Variants in BCAR1 observed in about 807,000 individuals in gnomAD.
The protein encoded by BCAR1 is BCAR1 scaffold protein, Cas family member, also known as breast cancer anti-estrogen resistance protein 1.
BCAR1 carries 30 observed loss-of-function variants against 67.6 expected under a neutral mutation model. The ratio of observed to expected loss-of-function variants is 0.44; its 90% CI spans 0.33 to 0.60. The LOEUF is 0.60. Among genes scored for constraint, BCAR1 ranks in the 20% least tolerant of loss-of-function variants. The probability of loss-of-function intolerance (pLI) is 0.02; values close to 1 mark genes in which losing one functional copy is unlikely to be tolerated. For missense variants in BCAR1, 1,313 were observed against 1,222.3 expected (o/e 1.07, Z -1.11); for synonymous variants, 626 against 556.7 (o/e 1.12, Z -1.75).
intron 4 of BCAR1, 29 bp from the exon 5 acceptor site, chr16:75,236,015 C>A (rs2077118949): frequency 4.5e-6 from 7 of 1,539,642 alleles, no homozygotes; most frequent in Non-Finnish European, 6.1e-6. Flanking sequence ...TCAAGACTGT[C>A]CATCTGTCCA....
chr16:75,248,067 G>T (rs764187548), intron 1 of BCAR1: 1 of 1,566,688 alleles, frequency 6.4e-7, no homozygotes, highest in South Asian at 1.1e-5. Flanking sequence ...CATCTTACTA[G>T]ACAGGAAAAC....
intron 1 of BCAR1, chr16:75,264,698 C>G: frequency 1.6e-6 from 2 of 1,219,284 alleles, no homozygotes; most frequent in Non-Finnish European, 2.1e-6. Context: ...CTCTGGTCAT[C>G]TGCACTCACT....
chr16:75,237,029 G>A (rs777705117), intron 3 of BCAR1, 31 bp from the exon 4 acceptor site: 10 of 1,553,542 alleles, frequency 6.4e-6, no homozygotes, highest in East Asian at 4.6e-5. Context: ...GGTTAACGGC[G>A]CCAGGGCCAC....
chr16:75,234,080 C>T (rs548991863), intron 5 of BCAR1, 145 bp from the exon 6 acceptor site: 3 of 697,082 alleles, frequency 4.3e-6, no homozygotes, highest in South Asian at 3.4e-5. Flanking sequence ...GACGCACACA[C>T]ACACTAGCAC....
At position 75,251,332 on chromosome 16, in the gene BCAR1, G is replaced by A. The variant is rs528568846; in HGVS notation, c.12+139C>T. On this transcript the variant is annotated intron_variant, in intron 1 of 6. Transcript: ENST00000162330. ...TCCCGGCTTCCCGGCCAGGGCAGAA[G>A]GAGATCCCAGGGCCGCGGACCCCGG... 2.7e-4 allele frequency: 326 copies of A among 1,207,648 alleles called. 5 individuals are homozygous for A. In the African/African-American group the frequency reaches 3.4e-3, roughly 13 times the overall value. The allele number at this position is 1,207,648 out of a possible 1,614,324, so 74.8% of individuals were successfully genotyped here.
In BCAR1 at chr16:75,251,476, G is replaced by A; in HGVS notation, c.7C>T (p.His3Tyr). 1.4e-6 allele frequency: 2 copies of A among 1,423,160 alleles called. No individual in the cohort carries two copies. The highest frequency in any genetic ancestry group is 2.8e-5 in the South Asian group (2 of 70,296). The allele number at this position is 1,423,160 out of a possible 1,614,324, so 88.2% of individuals were successfully genotyped here. A position where few individuals can be genotyped will look rare whatever the true frequency, so the allele number is the denominator to read the frequency against. Residue 3 changes from histidine to tyrosine, a missense_variant, in exon 1 of 7, where the codon CAC (histidine) becomes TAC (tyrosine). Coordinates refer to ENST00000162330, the MANE Select transcript of BCAR1 (RefSeq NM_014567.5). MN[H>Y]LNVLAKALYD... ...GCCCCACCTGGCGCCCTCACCAGGT[G>A]GTTCATGGTGTCCGGCGGGCCTGGG...
intron 1 of BCAR1, chr16:75,247,770 A>C (rs2077562675): frequency 4.3e-6 from 2 of 469,070 alleles, no homozygotes; most frequent in Admixed American, 6.8e-5. Context: ...CCTCTCTGCC[A>C]GGCCTGGCTC....
At position 75,237,356 on chromosome 16, in the gene BCAR1, G is replaced by C. The variant is rs746424882; in HGVS notation, c.634-12C>G. ...GTGGGCACCACCACCTGGGGGCAGA[G>C]AGCCGACTTCACTGCTGCCCTCAAA... is the stretch of plus-strand genomic sequence containing the variant. On this transcript the variant is annotated splice_polypyrimidine_tract_variant and intron_variant, in intron 2 of 6. Coordinates refer to ENST00000162330, the MANE Select transcript of BCAR1 (RefSeq NM_014567.5). The C allele has an allele frequency of 5.5e-6, 8 of 1,459,262 alleles. No individual in the cohort carries two copies. The highest frequency in any genetic ancestry group is 2.9e-5 in the South Asian group (2 of 68,384). The allele number at this position is 1,459,262 out of a possible 1,614,324, so 90.4% of individuals were successfully genotyped here.
chr16:75,238,052 G>T (rs1291570320), intron 2 of BCAR1: 2 of 1,288,928 alleles, frequency 1.6e-6, no homozygotes, highest in African/African-American at 3.0e-5. Context: ...TGGGGGAAGT[G>T]GGTCCAGGGC....
rs2076793091 is a variant in BCAR1 at position 75,228,873 on chromosome 16, G to A, written c.*638C>T. The A allele has an allele frequency of 6.6e-6, 1 of 152,416 alleles. No individual in the cohort carries two copies. Among genetic ancestry groups the A allele is most frequent in the African/African-American group, 2.4e-5 (1 of 41,464 alleles). 9.4% of individuals were successfully genotyped at this position (152,416 alleles called of 1,614,324 possible). A position where few individuals can be genotyped will look rare whatever the true frequency, so the allele number is the denominator to read the frequency against. ...AGCTGCAGGCCTCACCCCGCCTCCA[G>A]GAGACACCCAGCCTCGGCGTTCCTT... On this transcript the variant is annotated 3_prime_UTR_variant, in exon 7 of 7. Coordinates refer to ENST00000162330, the MANE Select transcript of BCAR1 (RefSeq NM_014567.5).
At chr16:75,265,942 G>T in intron 1 of BCAR1, 3 of 1,084,882 alleles carry the variant, frequency 2.8e-6, no homozygotes, top group Non-Finnish European at 3.4e-6. Context: ...GGCGCTTTCC[G>T]GCTCCTCCGG....
At chr16:75,238,813 G>GGCGGGGCGGA in intron 2 of BCAR1, 9 of 985,458 alleles carry the variant, frequency 9.1e-6, no homozygotes, top group Non-Finnish European at 1.1e-5. Context: ...CAGCGGGGCA[G>GGCGGGGCGGA]GCGGGGCGGA....
At chr16:75,245,246 A>G (rs1597238208) in intron 1 of BCAR1, among the ~76,000 whole-genome samples, 1 of 152,110 alleles carries the variant, frequency 6.6e-6, no homozygotes, top group Non-Finnish European at 1.5e-5. Flanking sequence ...TTCCCCAGTG[A>G]CCCTACACAC....
rs955262522 is a variant in BCAR1, at chr16:75,243,217, G to C, written c.13-127C>G. 8 of 1,029,766 alleles carry C rather than the reference G, an allele frequency of 7.8e-6. No individual in the cohort carries two copies. The East Asian group carries it at 1.8e-4, about 23-fold the overall frequency. The allele number at this position is 1,029,766 out of a possible 1,614,324, so 63.8% of individuals were successfully genotyped here. ...CTAGGAAAAGAACTCAGTGGAGTTT[G>C]GCGAGATCATTGTGCCTTTGCCTCC... On this transcript the variant is annotated intron_variant, in intron 1 of 6. Transcript: ENST00000162330.
chr16:75,236,876 G>T lies in BCAR1; in HGVS notation c.912+6C>A. The T allele has an allele frequency of 1.2e-6, 2 of 1,611,142 alleles. No individual in the cohort carries two copies. The highest frequency in any genetic ancestry group is 2.7e-5 in the African/African-American group (2 of 75,036). ...TGGCCCTGGCATTGCCCTGGCATTT[G>T]CTCACTGCGTGGTGGTTGGACGGTG... On this transcript the variant is annotated splice_donor_region_variant and intron_variant, in intron 4 of 6. Transcript: ENST00000162330.
Position 75,242,724 on chromosome 16 carries a change from G to C in BCAR1, c.379C>G (p.Leu127Val). 6.3e-7 allele frequency: 1 copy of C among 1,574,918 alleles called. No individual in the cohort carries two copies. The highest frequency in any genetic ancestry group is 8.6e-7 in the Non-Finnish European group (1 of 1,161,430). The change falls in exon 2 of 7, where the codon CTC becomes GTC. Residue 127 changes from leucine (L) to valine (V), a missense_variant. By Grantham distance (32) the Leu-to-Val change is conservative (BLOSUM62 1). Transcript: ENST00000162330. ...VPTPSKAQQG[L>V]YQVPGPSPQF... Reference sequence around the variant, plus strand: ...GGGCTGGGACCCGGGACTTGGTAGAGGCCTTGCTGAGCCTTGCTGGGAGTG... The same window carrying C: ...GGGCTGGGACCCGGGACTTGGTAGACGCCTTGCTGAGCCTTGCTGGGAGTG...
At chr16:75,249,971 T>C (rs1020588046) in intron 1 of BCAR1, 1 of 152,202 alleles carries the variant, frequency 6.6e-6, no homozygotes, top group African/African-American at 2.4e-5. Flanking sequence ...ATCTGCACCA[T>C]CCGTATAATG....
chr16:75,239,422 C>A (rs937075752), intron 2 of BCAR1, among the ~76,000 whole-genome samples: 2 of 152,144 alleles, frequency 1.3e-5, no homozygotes, highest in African/African-American at 4.8e-5. Flanking sequence ...CCGCCCCTCT[C>A]CTCCCCTACT....
chr16:75,234,104 C>A (rs1178104493), intron 5 of BCAR1, among the ~76,000 whole-genome samples, 169 bp from the exon 6 acceptor site: 1 of 151,524 alleles, frequency 6.6e-6, no homozygotes, highest in Non-Finnish European at 1.5e-5. Flanking sequence ...TGGACACACA[C>A]ACACACACAA....
Sources: gnomAD v4.1 joint callset for allele counts (sites outside exome capture counted in the v4.1 genomes callset) on GRCh38, gnomAD v4.1.1 for gene constraint, MANE v1.5 for transcripts, NCBI Gene and HGNC (gene_info 2026-07-23, HGNC 2026-07-21) for gene names.